ZFPM2: variants seen among roughly 807,000 people sequenced by gnomAD.
ZFPM2 encodes zinc finger protein, FOG family member 2, also known as zinc finger protein ZFPM2.
In ZFPM2, 20 loss-of-function variants were observed where a neutral mutation model predicts 98.6. The observed-to-expected ratio is 0.20, with a 90% CI of 0.14 to 0.29. The LOEUF (loss-of-function observed/expected upper bound fraction) is 0.29. Among genes scored for constraint, ZFPM2 ranks in the 10% least tolerant of loss-of-function variants. The pLI, the probability that ZFPM2 is intolerant of heterozygous loss-of-function variation, is 1.00. For synonymous variants in ZFPM2, 518 were observed against 502.7 expected, an observed-to-expected ratio of 1.03 and a Z score of -0.41; for missense variants, 1,310 against 1,388.6, an observed-to-expected ratio of 0.94 and a Z score of 0.90.
At position 105,803,065 on chromosome 8, in the gene ZFPM2, G is replaced by A. The variant is rs779361639; in HGVS notation, c.2983G>A (p.Gly995Ser). ...YGIKPSDYIS[G>S]SLVIHNTDIE... is the part of the protein sequence containing the mutation. ...AATCAAGCCAAGTGATTATATTTCT[G>A]GTTCTCTTGTCATCCATAACACTGA... Residue 995 changes from glycine to serine, a missense_variant, in exon 8 of 8, where the codon GGT becomes AGT. Gly to Ser is a moderately conservative substitution (Grantham distance 56). Transcript: ENST00000407775. 36 of 1,613,730 alleles carry A rather than the reference G, an allele frequency of 2.2e-5. No homozygotes were observed. The East Asian group carries it at 7.8e-4, about 35-fold the overall frequency.
chr8:105,370,472 C>T (rs1186623536), intron 1 of ZFPM2, among the ~76,000 whole-genome samples: 1 of 152,170 alleles, frequency 6.6e-6, no homozygotes, highest in African/African-American at 2.4e-5. Flanking sequence ...GGTTGGGCTA[C>T]ATAAACTTTA....
intron 5 of ZFPM2, among the ~76,000 whole-genome samples, chr8:105,652,674 C>G (rs202021061): frequency 6.6e-6 from 1 of 152,012 alleles, no homozygotes; most frequent in African/African-American, 2.4e-5. Context: ...CTTGTGCAGT[C>G]TTTCAAGAAA....
intron 1 of ZFPM2, among the ~76,000 whole-genome samples, chr8:105,382,842 A>C (rs1810913814): frequency 6.6e-6 from 1 of 152,170 alleles, no homozygotes; most frequent in Admixed American, 6.5e-5. Flanking sequence ...TAAAGGAAGT[A>C]TTAATGGATA....
At chr8:105,358,531 G>A (rs1320762097) in intron 1 of ZFPM2, 2 of 152,250 alleles carry the variant, frequency 1.3e-5, no homozygotes, top group Middle Eastern at 3.4e-3. Flanking sequence ...ACATGACTTC[G>A]AAGCTGGTTA....
At chr8:105,507,683 C>T (rs1469980772) in intron 3 of ZFPM2, among the ~76,000 whole-genome samples, 4 of 152,148 alleles carry the variant, frequency 2.6e-5, no homozygotes, top group Non-Finnish European at 5.9e-5. Context: ...TATACTGTTT[C>T]ATTCTCAGGT....
intron 5 of ZFPM2, chr8:105,662,869 G>T (rs1323565830): frequency 6.6e-6 from 1 of 152,026 alleles, no homozygotes; most frequent in African/African-American, 2.4e-5. Context: ...CTAGTTTTTG[G>T]TGTGCCTGTG....
chr8:105,700,184 C>T (rs1255109389), intron 5 of ZFPM2, among the ~76,000 whole-genome samples: 1 of 152,198 alleles, frequency 6.6e-6, no homozygotes, highest in East Asian at 1.9e-4. Context: ...TCAAGCCCAG[C>T]TTATTCTGCC....
In ZFPM2 at chr8:105,374,732, T is replaced by C. The variant is rs547639922; in HGVS notation, c.41-44412T>C. Among the ~76,000 whole-genome samples, 20 of 152,206 alleles carry C rather than the reference T, an allele frequency of 1.3e-4. No homozygotes were observed. In the East Asian group the frequency reaches 3.5e-3, roughly 27 times the overall value. The stretch of plus-strand genomic sequence containing the variant: ...AGACTATAACAAAACTCTGGTTAAG[T>C]GGACAAGCATAGGAACATAGGGCAG... On this transcript the variant is annotated intron_variant, in intron 1 of 7. Transcript: ENST00000407775.
intron 4 of ZFPM2, among the ~76,000 whole-genome samples, chr8:105,623,883 A>T (rs1816602562): frequency 6.6e-6 from 1 of 152,184 alleles, no homozygotes; most frequent in Admixed American, 6.5e-5. Flanking sequence ...AAAATATCAA[A>T]ATGTAGTAAG....
chr8:105,432,664 A>G (rs1331287956), intron 2 of ZFPM2, among the ~76,000 whole-genome samples: 1 of 152,206 alleles, frequency 6.6e-6, no homozygotes, highest in Non-Finnish European at 1.5e-5. Context: ...TGGAACAAGA[A>G]ATGTCTTAGC....
chr8:105,801,118 T>G lies in ZFPM2; in HGVS notation c.1036T>G (p.Ser346Ala), dbSNP rs1359543890. ...KCTVCSYTAD[S>A]VINFHQHLFS... ...CACCGTCTGTAGCTACACTGCTGAT[T>G]CCGTGATCAACTTTCACCAACACCT... Residue 346 changes from serine to alanine, a missense_variant, in exon 8 of 8, where the codon TCC becomes GCC. Transcript: ENST00000407775. 1 of 1,613,958 alleles carries G rather than the reference T, an allele frequency of 6.2e-7. No homozygotes were observed. Among genetic ancestry groups the G allele is most frequent in the Non-Finnish European group, 8.5e-7 (1 of 1,179,878 alleles).
chr8:105,797,910 A>G (rs1368937134), intron 6 of ZFPM2, among the ~76,000 whole-genome samples: 1 of 152,204 alleles, frequency 6.6e-6, no homozygotes, highest in Non-Finnish European at 1.5e-5. Context: ...CCACATGTCC[A>G]TCAACCCAAG....
chr8:105,676,822 T>C (rs1409644971), intron 5 of ZFPM2, among the ~76,000 whole-genome samples: 2 of 152,110 alleles, frequency 1.3e-5, no homozygotes, highest in African/African-American at 2.4e-5. Flanking sequence ...TTAAGAGTTA[T>C]AGACTGGGAT....
intron 5 of ZFPM2, among the ~76,000 whole-genome samples, chr8:105,721,481 A>G (rs1475763230): frequency 6.6e-6 from 1 of 151,934 alleles, no homozygotes; most frequent in Non-Finnish European, 1.5e-5. Context: ...TTTCTATGTA[A>G]TGACAACAGA....
At chr8:105,763,415 C>T (rs949570805) in intron 5 of ZFPM2, among the ~76,000 whole-genome samples, 2 of 151,764 alleles carry the variant, frequency 1.3e-5, no homozygotes, top group African/African-American at 4.8e-5. Flanking sequence ...TTTTCTAGGG[C>T]CAATACCTTC....
At chr8:105,386,146 T>A (rs1462273793) in intron 1 of ZFPM2, among the ~76,000 whole-genome samples, 4 of 152,120 alleles carry the variant, frequency 2.6e-5, no homozygotes, top group Non-Finnish European at 5.9e-5. Context: ...TTAGAAAAAG[T>A]CTTTTGAACT....
intron 3 of ZFPM2, among the ~76,000 whole-genome samples, chr8:105,536,691 T>C (rs868473721): frequency 3.9e-5 from 6 of 152,178 alleles, no homozygotes; most frequent in Admixed American, 2.6e-4. Context: ...GAAGATCACA[T>C]ACCATTAGCA....
At chr8:105,409,990 T>C (rs1811543671) in intron 1 of ZFPM2, among the ~76,000 whole-genome samples, 1 of 151,896 alleles carries the variant, frequency 6.6e-6, no homozygotes, top group Admixed American at 6.6e-5. Flanking sequence ...TTTATTAAAA[T>C]TTCTTTTTGG....
chr8:105,562,868 A>T (rs1422038272), intron 4 of ZFPM2, among the ~76,000 whole-genome samples: 2 of 152,174 alleles, frequency 1.3e-5, no homozygotes, highest in Non-Finnish European at 2.9e-5. Flanking sequence ...CAAGTTCTAG[A>T]GGTCAGGATG....
Sources: gnomAD v4.1 joint callset for allele counts (sites outside exome capture counted in the v4.1 genomes callset) on GRCh38, gnomAD v4.1.1 for gene constraint, MANE v1.5 for transcripts, NCBI Gene and HGNC (gene_info 2026-07-23, HGNC 2026-07-21) for gene names.